Variants in DZIP3 observed in about 807,000 individuals in gnomAD.
DZIP3 encodes DAZ interacting zinc finger protein 3, also known as E3 ubiquitin-protein ligase DZIP3.
In DZIP3, 118 loss-of-function variants were observed where a neutral mutation model predicts 162.0. That is an observed-to-expected ratio of 0.73 (90% CI 0.63 to 0.85). The LOEUF is 0.85. Among genes scored for constraint, DZIP3 ranks in the 40% least tolerant of loss-of-function variants. The pLI, the probability that DZIP3 is intolerant of heterozygous loss-of-function variation, is 0.00. For missense variants in DZIP3, 1,331 were observed against 1,407.0 expected (o/e 0.95, Z 0.86); for synonymous variants, 438 against 458.6 (o/e 0.96, Z 0.57).
At chr3:108,621,145 A>G (rs993576612) in intron 5 of DZIP3, among the ~76,000 whole-genome samples, 10 of 152,070 alleles carry the variant, frequency 6.6e-5, no homozygotes, top group African/African-American at 2.4e-4. Flanking sequence ...TTAAAGGTGG[A>G]TGGTAGATAC....
intron 31 of DZIP3, among the ~76,000 whole-genome samples, chr3:108,690,516 G>T (rs988078532): frequency 1.3e-5 from 2 of 152,162 alleles, no homozygotes; most frequent in Non-Finnish European, 2.9e-5. Context: ...TCCTTGTCAG[G>T]AAGGATTGCT....
intron 1 of DZIP3, among the ~76,000 whole-genome samples, chr3:108,599,065 A>T (rs80150987): frequency 6.6e-6 from 1 of 152,204 alleles, no homozygotes; most frequent in Admixed American, 6.5e-5. Context: ...TTAAGACAAG[A>T]TGTTAATTTT....
At chr3:108,667,703 A>G (rs1214778934) in intron 21 of DZIP3, among the ~76,000 whole-genome samples, 1 of 152,178 alleles carries the variant, frequency 6.6e-6, no homozygotes, top group East Asian at 1.9e-4. Context: ...TGAATTTACA[A>G]TTATCTTGAA....
chr3:108,662,379 G>C, intron 21 of DZIP3, 122 bp downstream of exon 21: 2 of 1,205,440 alleles, frequency 1.7e-6, no homozygotes, highest in South Asian at 2.1e-5. Context: ...TCAACCACAC[G>C]ACTGCACTTG....
intron 4 of DZIP3, among the ~76,000 whole-genome samples, chr3:108,615,801 T>C (rs929516304): frequency 2.6e-5 from 4 of 152,208 alleles, no homozygotes; most frequent in Non-Finnish European, 5.9e-5. Context: ...GGTTTACCCT[T>C]GTATTGGTAT....
At chr3:108,603,976 T>G (rs1326000717) in intron 1 of DZIP3, among the ~76,000 whole-genome samples, 2 of 152,150 alleles carry the variant, frequency 1.3e-5, no homozygotes, top group African/African-American at 4.8e-5. Context: ...CTGTGGTAAA[T>G]TGCTTTTTTT....
intron 16 of DZIP3, 149 bp downstream of exon 16, chr3:108,648,261 C>A: frequency 1.5e-6 from 1 of 665,444 alleles, no homozygotes; most frequent in Non-Finnish European, 2.3e-6. Flanking sequence ...TCCTTTCCTT[C>A]CTTGCCTCAG....
chr3:108,651,640 G>A (rs1191996511), intron 18 of DZIP3, among the ~76,000 whole-genome samples: 1 of 151,600 alleles, frequency 6.6e-6, no homozygotes, highest in Non-Finnish European at 1.5e-5. Context: ...TGGCTTTGTT[G>A]TTTTTAAGAC....
At chr3:108,590,639 G>A (rs750291906) in intron 1 of DZIP3, among the ~76,000 whole-genome samples, 2 of 152,158 alleles carry the variant, frequency 1.3e-5, no homozygotes, top group Non-Finnish European at 1.5e-5. Flanking sequence ...GTCTAGTAAG[G>A]GAAACATACA....
In DZIP3 at chr3:108,637,354, C is replaced by T. The variant is rs933555244; in HGVS notation, c.1012-142C>T. On this transcript the variant is annotated intron_variant, in intron 11 of 32. Transcript: ENST00000361582. ...TTGATCAGGATTATTTATTACTTAC[C>T]TTGTTATTCATGTTTTGTTTGTTTT... The T allele has an allele frequency of 5.3e-5, 41 of 770,874 alleles. No individual in the cohort carries two copies. The South Asian group carries it at 6.6e-4, about 12-fold the overall frequency. 47.8% of individuals were successfully genotyped at this position (770,874 alleles called of 1,614,324 possible).
At chr3:108,620,408 A>G (rs1160248846) in intron 5 of DZIP3, among the ~76,000 whole-genome samples, 1 of 152,178 alleles carries the variant, frequency 6.6e-6, no homozygotes, top group Non-Finnish European at 1.5e-5. Context: ...CCAAAATTCA[A>G]GTTCCCAGAC....
At chr3:108,670,434 T>G (rs4420875) in intron 22 of DZIP3, among the ~76,000 whole-genome samples, 50,132 of 151,738 alleles carry the variant, frequency 0.33, 8,613 homozygotes, top group Middle Eastern at 0.38. Flanking sequence ...TAACATAGTT[T>G]CAAAATTCAT....
chr3:108,692,622 T>G (rs1407865104), intron 32 of DZIP3, among the ~76,000 whole-genome samples: 1 of 152,154 alleles, frequency 6.6e-6, no homozygotes, highest in Non-Finnish European at 1.5e-5. Context: ...AAGTTTCCCA[T>G]GTGCCAGTAT....
At chr3:108,691,923 A>G (rs1944712105) in intron 32 of DZIP3, among the ~76,000 whole-genome samples, 1 of 152,010 alleles carries the variant, frequency 6.6e-6, no homozygotes, top group Non-Finnish European at 1.5e-5. Context: ...TTTCTCCCCC[A>G]TTCCTTTCCC....
chr3:108,669,467 T>A (rs1375737499), intron 21 of DZIP3, among the ~76,000 whole-genome samples: 1 of 151,838 alleles, frequency 6.6e-6, no homozygotes, highest in Admixed American at 6.6e-5. Flanking sequence ...TAGAACTTAG[T>A]TCCCCTTTCT....
In DZIP3 at chr3:108,662,258, G is replaced by GT. The variant is rs1019988216; in HGVS notation, c.2423+2dup. 2 of 1,584,284 alleles carry GT rather than the reference G, an allele frequency of 1.3e-6. No individual in the cohort carries two copies. The highest frequency in any genetic ancestry group is 1.7e-6 in the Non-Finnish European group (2 of 1,171,688). The stretch of plus-strand genomic sequence containing the variant: ...CTTTTGGAATCAATAAGGTTTCCAA[G>GT]TAAGTGTAAATCTTTTGATAAAGGG... On this transcript the variant is annotated splice_donor_variant, in intron 21 of 32. Transcript: ENST00000361582. LOFTEE classifies it high-confidence loss of function.
chr3:108,644,775 C>A lies in DZIP3; in HGVS notation c.1753C>A (p.Gln585Lys). 1 of 1,597,136 alleles carries A rather than the reference C, an allele frequency of 6.3e-7. No homozygotes were observed. The highest frequency in any genetic ancestry group is 1.1e-5 in the South Asian group (1 of 90,918). The stretch of plus-strand genomic sequence containing the variant: ...CATACAGAGGATGTTATCCTGCTAT[C>A]AACAAGGTACTAAATGATTATTTAC... Reference protein sequence around the residue: ...EIIQRMLSCYQQGIALQSITG... With the variant: ...EIIQRMLSCYKQGIALQSITG... The change falls in exon 14 of 33, where the codon CAA becomes AAA. Residue 585 changes from glutamine to lysine, a missense_variant. Gln to Lys is a moderately conservative substitution (Grantham distance 53). Around this residue, in one of 2 missense-constraint regions of DZIP3, gnomAD observed 1,278 missense variants for 1,317.1 expected, o/e 0.97. Coordinates refer to ENST00000361582, the MANE Select transcript of DZIP3 (RefSeq NM_014648.4).
intron 4 of DZIP3, among the ~76,000 whole-genome samples, chr3:108,611,601 A>AG (rs1430674531): frequency 6.6e-6 from 1 of 152,206 alleles, no homozygotes; most frequent in Non-Finnish European, 1.5e-5. Context: ...TGTTTATTCC[A>AG]GTCCTGCTAA....
chr3:108,662,877 G>T (rs1943503817), intron 21 of DZIP3, among the ~76,000 whole-genome samples: 1 of 152,128 alleles, frequency 6.6e-6, no homozygotes, highest in Admixed American at 6.5e-5. Flanking sequence ...AGCATAGTTT[G>T]TAGCACATTA....
Sources: allele counts gnomAD v4.1 joint callset (sites outside exome capture counted in the v4.1 genomes callset), GRCh38; gene constraint gnomAD v4.1.1; regional missense constraint gnomAD v4.1.1; transcripts MANE v1.5; gene names NCBI Gene and HGNC (gene_info 2026-07-23, HGNC 2026-07-21).